The following CEP72 variants were observed in gnomAD, a reference collection of about 807,000 sequenced individuals.
The protein encoded by CEP72 is centrosomal protein of 72 kDa.
In CEP72, 78 loss-of-function variants were observed where a neutral mutation model predicts 65.7. The ratio of observed to expected loss-of-function variants is 1.19; its 90% confidence interval spans 0.99 to 1.43. The LOEUF (loss-of-function observed/expected upper bound fraction) is 1.43. Ranked by LOEUF, CEP72 falls within the 40% of genes most tolerant of loss-of-function variation. The pLI is 0.00. For synonymous variants in CEP72, 358 were observed against 351.7 expected, an observed-to-expected ratio of 1.02 and a Z score of -0.20; for missense variants, 914 against 832.9, an observed-to-expected ratio of 1.10 and a Z score of -1.20.
chr5:619,979 A>G, intron 2 of CEP72, 90 bp from the exon 3 acceptor site: 3 of 967,716 alleles, frequency 3.1e-6, no homozygotes, highest in Non-Finnish European at 3.2e-6. Context: ...AAGTTTATAC[A>G]GTTGGTTGGT....
At chr5:641,072 T>A in intron 9 of CEP72, 1 of 985,446 alleles carries the variant, frequency 1.0e-6, no homozygotes, top group Non-Finnish European at 1.2e-6. Context: ...GATTTCTGTG[T>A]ATTGGGCCTC....
intron 4 of CEP72, among the ~76,000 whole-genome samples, chr5:629,189 A>G (rs1737038410): frequency 6.6e-6 from 1 of 152,254 alleles, no homozygotes; most frequent in Non-Finnish European, 1.5e-5. Flanking sequence ...TTCTCTGTAT[A>G]GAGGGTCACC....
At position 615,999 on chromosome 5, in the gene CEP72, C is replaced by G. The variant is rs187336283; in HGVS notation, c.83-2991C>G. Among the ~76,000 whole-genome samples the G allele has an allele frequency of 9.3e-4, 142 of 152,314 alleles. 1 individual carries two copies. The highest frequency in any genetic ancestry group is 7.9e-3 in the Admixed American group (121 of 15,304). On this transcript the variant is annotated intron_variant, in intron 1 of 11. Transcript: ENST00000264935. ...AATTTAGTTGTCTTAAGTATTTCCT[C>G]TGCATACCTTGAGAACCGTATTAAT... is the stretch of plus-strand genomic sequence containing the variant.
downstream of CEP72, among the ~76,000 whole-genome samples, chr5:668,456 A>C (rs893227660): frequency 7.5e-6 from 1 of 133,404 alleles, no homozygotes; most frequent in South Asian, 2.3e-4. Context: ...GCGGACAAGC[A>C]CACGGAGAGG....
chr5:673,602 C>T, the CEP72 span, among the ~76,000 whole-genome samples: 41 of 152,314 alleles, frequency 2.7e-4, no homozygotes, highest in African/African-American at 8.4e-4. Context: ...TGCCCAGGAC[C>T]GGGTCTCAGC....
chr5:656,119 C>A (rs185716986), downstream of CEP72, among the ~76,000 whole-genome samples: 9 of 152,284 alleles, frequency 5.9e-5, no homozygotes, highest in African/African-American at 2.2e-4. Context: ...GATCCAGTTT[C>A]ATTGTGTTGC....
intron 6 of CEP72, among the ~76,000 whole-genome samples, chr5:636,739 G>A (rs1737625836): frequency 1.3e-5 from 2 of 151,680 alleles, no homozygotes; most frequent in Non-Finnish European, 2.9e-5. Flanking sequence ...GAACCTGGGA[G>A]GTGGAGGTTG....
chr5:642,065 T>A (rs1466494598), intron 9 of CEP72: 2 of 982,806 alleles, frequency 2.0e-6, no homozygotes, highest in South Asian at 4.7e-5. Context: ...AGCCTCTGCA[T>A]TTAAGCACAC....
chr5:671,138 C>G (rs373330744), downstream of CEP72, among the ~76,000 whole-genome samples: 96 of 152,354 alleles, frequency 6.3e-4, no homozygotes, highest in Non-Finnish European at 1.0e-3. Flanking sequence ...AAGGCTCCCC[C>G]CTGCCTGAGG....
At chr5:635,957 C>T (rs1328477709) in intron 6 of CEP72, among the ~76,000 whole-genome samples, 1 of 152,072 alleles carries the variant, frequency 6.6e-6, no homozygotes, top group African/African-American at 2.4e-5. Context: ...GTTCCAGACT[C>T]ATCCTTTATC....
intron 11 of CEP72, among the ~76,000 whole-genome samples, chr5:652,328 G>A (rs947971943): frequency 6.6e-6 from 1 of 152,204 alleles, no homozygotes; most frequent in African/African-American, 2.4e-5. Flanking sequence ...CAGGGCCTGG[G>A]CCTGCACAGT....
At chr5:615,290 C>T (rs1402710700) in intron 1 of CEP72, among the ~76,000 whole-genome samples, 1 of 152,122 alleles carries the variant, frequency 6.6e-6, no homozygotes, top group Non-Finnish European at 1.5e-5. Flanking sequence ...CGCCTGCCAT[C>T]ACGCCTGCCT....
At chr5:649,172 G>GGACTGTGAGGTGT (rs1473361327) in intron 11 of CEP72, among the ~76,000 whole-genome samples, 1 of 115,838 alleles carries the variant, frequency 8.6e-6, no homozygotes, top group Non-Finnish European at 2.0e-5. Flanking sequence ...TGTGAGGTGT[G>GGACTGTGAGGTGT]GACTGTGAGG....
downstream of CEP72, among the ~76,000 whole-genome samples, chr5:671,722 TCTGCGGAAG>T (rs1356042651): frequency 6.6e-6 from 1 of 152,166 alleles, no homozygotes; most frequent in Non-Finnish European, 1.5e-5. Flanking sequence ...GGGGCTCCAC[TCTGCGGAAG>T]CCACGTTCAT....
Position 623,523 on chromosome 5 carries a change from A to G in CEP72, c.404-948A>G, listed in dbSNP as rs1325277083. 1.3e-5 allele frequency among the ~76,000 whole-genome samples: 2 copies of G among 152,038 alleles called. No homozygotes were observed. Among genetic ancestry groups the G allele is most frequent in the Non-Finnish European group, 2.9e-5 (2 of 68,026 alleles). ...TTGGCTTCGGACATGCTGCATTAGA[A>G]TTTACACAACAGTCCAGAGAAATGT... On this transcript the variant is annotated intron_variant, in intron 3 of 11. Coordinates refer to ENST00000264935, the MANE Select transcript of CEP72 (RefSeq NM_018140.4). The surrounding 1 kb of genome is among the most constrained non-coding windows in gnomAD (Gnocchi z 5.3).
the CEP72 span, among the ~76,000 whole-genome samples, chr5:672,989 A>G: frequency 3.3e-5 from 5 of 152,218 alleles, no homozygotes; most frequent in Admixed American, 1.3e-4. Context: ...AGCCATGGCA[A>G]CCTGCCCTGA....
At chr5:633,124 A>G (rs1411312903) in intron 4 of CEP72, among the ~76,000 whole-genome samples, 4 of 55,384 alleles carry the variant, frequency 7.2e-5, no homozygotes, top group South Asian at 8.5e-4. Context: ...GCCGGGATTT[A>G]GACCAGTCCT....
At chr5:657,325 C>T (rs1739405101), downstream of CEP72, among the ~76,000 whole-genome samples, 1 of 152,114 alleles carries the variant, frequency 6.6e-6, no homozygotes, top group Admixed American at 6.5e-5. Context: ...TGGGTAGCTG[C>T]GTGCTCTAGT....
intron 9 of CEP72, chr5:642,233 C>A (rs1738099161): frequency 1.3e-6 from 1 of 773,412 alleles, no homozygotes; most frequent in Non-Finnish European, 1.5e-6. Flanking sequence ...CACACGTGGT[C>A]CCCCGTCCAG....
Sources: allele counts gnomAD v4.1 joint callset (sites outside exome capture counted in the v4.1 genomes callset), GRCh38; gene constraint gnomAD v4.1.1; non-coding constraint Gnocchi (gnomAD v3.1); transcripts MANE v1.5; gene names NCBI Gene and HGNC (gene_info 2026-07-23, HGNC 2026-07-21).